TSG101: variants seen among roughly 807,000 people sequenced by gnomAD.
TSG101 encodes tumor susceptibility gene 101 protein.
A neutral mutation model predicts 48.5 loss-of-function variants in TSG101; 19 were observed. The observed-to-expected ratio is 0.39, with a 90% CI of 0.27 to 0.58. TSG101 has a LOEUF of 0.58. Among genes scored for constraint, TSG101 ranks in the 20% least tolerant of loss-of-function variants. TSG101 has a pLI of 0.55. For synonymous variants in TSG101, 174 were observed against 169.4 expected, an observed-to-expected ratio of 1.03 and a Z score of -0.21; for missense variants, 365 against 484.4, an observed-to-expected ratio of 0.75 and a Z score of 2.31.
intron 6 of TSG101, among the ~76,000 whole-genome samples, chr11:18,503,935 G>A (rs1051512114): frequency 6.6e-6 from 1 of 152,062 alleles, no homozygotes; most frequent in African/African-American, 2.4e-5. Context: ...TGGGTGCAGT[G>A]GATCACACCT....
intron 7 of TSG101, among the ~76,000 whole-genome samples, chr11:18,494,604 G>A (rs1849747533): frequency 6.6e-6 from 1 of 152,154 alleles, no homozygotes; most frequent in Admixed American, 6.5e-5. Flanking sequence ...TAAACTCTCA[G>A]CATTTAAATT....
rs963455970 is a variant in TSG101, at chr11:18,510,679, T to A, written c.358-1014A>T. 9.2e-5 allele frequency among the ~76,000 whole-genome samples: 14 copies of A among 152,138 alleles called. 1 individual carries two copies. Among genetic ancestry groups the A allele is most frequent in the Non-Finnish European group, 1.8e-4 (12 of 68,018 alleles). On this transcript the variant is annotated intron_variant, in intron 4 of 9. Coordinates refer to ENST00000251968, the MANE Select transcript of TSG101 (RefSeq NM_006292.4). ...GGCTATTTTGCAGCATGCATAATTT[T>A]AAAAATTCTAGGTCTATTCCAGTAC...
chr11:18,517,336 G>T (rs1850195222), intron 2 of TSG101, among the ~76,000 whole-genome samples: 1 of 152,052 alleles, frequency 6.6e-6, no homozygotes, highest in Non-Finnish European at 1.5e-5. Flanking sequence ...CTTTCAATCT[G>T]TATTTCTCAT....
chr11:18,520,946 G>A (rs922560684), intron 1 of TSG101, among the ~76,000 whole-genome samples: 1 of 151,800 alleles, frequency 6.6e-6, no homozygotes, highest in East Asian at 1.9e-4. Context: ...CAGGAGAATC[G>A]CTTGAACCCA....
chr11:18,508,285 G>A (rs960446498), intron 5 of TSG101, among the ~76,000 whole-genome samples: 1 of 146,796 alleles, frequency 6.8e-6, no homozygotes, highest in Non-Finnish European at 1.5e-5. Flanking sequence ...GCAGTAATGC[G>A]ATCTCAGCTC....
At chr11:18,506,248 GAC>G (rs1230050943) in intron 6 of TSG101, among the ~76,000 whole-genome samples, 1 of 151,972 alleles carries the variant, frequency 6.6e-6, no homozygotes, top group East Asian at 1.9e-4. Context: ...GTTGAGTAAT[GAC>G]AGTGATCTCA....
chr11:18,516,269 G>A, intron 2 of TSG101, 105 bp from the exon 3 acceptor site: 1 of 932,942 alleles, frequency 1.1e-6, no homozygotes, highest in Non-Finnish European at 1.7e-6. Context: ...CCTTGAAAGG[G>A]GCTGACCTGT....
chr11:18,482,872 T>C (rs529093347), intron 8 of TSG101, among the ~76,000 whole-genome samples: 1 of 152,324 alleles, frequency 6.6e-6, no homozygotes, highest in East Asian at 1.9e-4. Flanking sequence ...ACTTATTTCC[T>C]AGTAACTGGC....
At chr11:18,517,035 T>G (rs1382861377) in intron 2 of TSG101, among the ~76,000 whole-genome samples, 2 of 152,220 alleles carry the variant, frequency 1.3e-5, no homozygotes, top group African/African-American at 4.8e-5. Context: ...CATTTATCCC[T>G]AGTCGCTCAC....
rs77519950 is a variant in TSG101, at chr11:18,494,140, A to G, written c.640+8346T>C. Among the ~76,000 whole-genome samples the G allele has an allele frequency of 7.0e-3, 1,067 of 152,368 alleles. 7 individuals are homozygous for G. The highest frequency in any genetic ancestry group is 0.024 in the African/African-American group (1,009 of 41,584). ...TTTTCAAAAGTGAAGGTAAGTAGGT[A>G]TAAGTCTTGCTAAAATGAGACAGCA... is the stretch of plus-strand genomic sequence containing the variant. On this transcript the variant is annotated intron_variant, in intron 7 of 9. Transcript: ENST00000251968.
intron 9 of TSG101, chr11:18,481,212 G>A: frequency 1.1e-6 from 1 of 886,124 alleles, no homozygotes; most frequent in Non-Finnish European, 1.4e-6. Context: ...AGGGCAGCCT[G>A]ATACTTTGAT....
At chr11:18,518,413 G>A (rs1850214531) in intron 2 of TSG101, among the ~76,000 whole-genome samples, 1 of 152,172 alleles carries the variant, frequency 6.6e-6, no homozygotes, top group Non-Finnish European at 1.5e-5. Flanking sequence ...CAATGGACAA[G>A]CAGCAGCATG....
intron 9 of TSG101, 135 bp from the exon 10 acceptor site, chr11:18,480,770 A>G: frequency 1.5e-6 from 1 of 678,890 alleles, no homozygotes; most frequent in Admixed American, 2.6e-5. Context: ...TGAATACCTC[A>G]TTATATGTGG....
chr11:18,521,315 GTATTTGACCAAGCTGATTCAGCAA>G (rs1008817086), intron 1 of TSG101, among the ~76,000 whole-genome samples: 3 of 138,544 alleles, frequency 2.2e-5, no homozygotes, highest in African/African-American at 5.3e-5. Flanking sequence ...CCTGTCAGCA[GTATTTGACCAAGCTGATTCAGCAA>G]TATTTGACCA....
intron 6 of TSG101, among the ~76,000 whole-genome samples, chr11:18,502,823 G>A (rs1318382209): frequency 6.6e-6 from 1 of 152,192 alleles, no homozygotes; most frequent in Admixed American, 6.5e-5. Context: ...CACCCTCATA[G>A]CAGCGGAAAT....
chr11:18,526,423 CTAAG>C (rs992740482), intron 1 of TSG101, among the ~76,000 whole-genome samples: 24 of 152,246 alleles, frequency 1.6e-4, no homozygotes, highest in Non-Finnish European at 2.6e-4. Flanking sequence ...AGATCTACAA[CTAAG>C]TATGATCCCT....
intron 2 of TSG101, among the ~76,000 whole-genome samples, chr11:18,516,448 G>A: frequency 6.6e-6 from 1 of 151,558 alleles, no homozygotes. Context: ...GGGTTCAAGC[G>A]ATTCTCCTGC....
chr11:18,494,253 T>C (rs987713907), intron 7 of TSG101, among the ~76,000 whole-genome samples: 1 of 152,242 alleles, frequency 6.6e-6, no homozygotes, highest in Non-Finnish European at 1.5e-5. Flanking sequence ...TGCTACCTGG[T>C]AGGCATAAGC....
At chr11:18,521,244 T>C (rs1850267822) in intron 1 of TSG101, among the ~76,000 whole-genome samples, 1 of 151,984 alleles carries the variant, frequency 6.6e-6, no homozygotes, top group Non-Finnish European at 1.5e-5. Flanking sequence ...AATTGTTCAT[T>C]AAGGTCACCA....
Sources: gnomAD v4.1 joint callset for allele counts (sites outside exome capture counted in the v4.1 genomes callset) on GRCh38, gnomAD v4.1.1 for gene constraint, MANE v1.5 for transcripts, NCBI Gene and HGNC (gene_info 2026-07-23, HGNC 2026-07-21) for gene names.